Variants in MAGI2 observed in about 807,000 individuals in gnomAD.
MAGI2 encodes membrane associated guanylate kinase, WW and PDZ domain containing 2.
Under a neutral mutation model 133.3 loss-of-function variants are expected in MAGI2, and 35 were observed. The observed-to-expected ratio is 0.26, with a 90% CI of 0.20 to 0.35. The LOEUF (loss-of-function observed/expected upper bound fraction) is 0.35. Among genes scored for constraint, MAGI2 ranks in the 10% least tolerant of loss-of-function variants. The pLI, the probability that MAGI2 is intolerant of heterozygous loss-of-function variation, is 1.00. For missense variants in MAGI2, 1,636 were observed against 1,863.4 expected (o/e 0.88, Z 2.25); for synonymous variants, 729 against 710.6 (o/e 1.03, Z -0.41).
At chr7:78,959,933 T>C (rs1802706001) in intron 2 of MAGI2, among the ~76,000 whole-genome samples, 2 of 152,174 alleles carry the variant, frequency 1.3e-5, no homozygotes, top group South Asian at 4.1e-4. Flanking sequence ...TTAATTATTA[T>C]AACCCAGTAT....
At chr7:78,174,807 G>C (rs1365688925) in intron 14 of MAGI2, among the ~76,000 whole-genome samples, 1 of 152,160 alleles carries the variant, frequency 6.6e-6, no homozygotes, top group East Asian at 1.9e-4. Context: ...TGGCCTCTGA[G>C]GAAGAAAGGG....
At chr7:78,609,012 G>A (rs1039808741) in intron 3 of MAGI2, among the ~76,000 whole-genome samples, 2 of 152,184 alleles carry the variant, frequency 1.3e-5, no homozygotes, top group African/African-American at 4.8e-5. Flanking sequence ...AGAACTTGGA[G>A]TCCAATGTTT....
At chr7:79,439,881 T>G (rs1220047199) in intron 1 of MAGI2, among the ~76,000 whole-genome samples, 1 of 152,138 alleles carries the variant, frequency 6.6e-6, no homozygotes, top group African/African-American at 2.4e-5. Flanking sequence ...CTAAGCAAGT[T>G]TCTTGAGGAG....
At position 79,402,148 on chromosome 7, in the gene MAGI2, G is replaced by C. The variant is rs563248478; in HGVS notation, c.301+50872C>G. ...TATCCTTTTTAGTTCTTTTTTTAAG[G>C]CTCTATAGTTCTAGGAAAATAGCTA... is the stretch of plus-strand genomic sequence containing the variant. On this transcript the variant is annotated intron_variant, in intron 1 of 21. Coordinates refer to ENST00000354212, the MANE Select transcript of MAGI2 (RefSeq NM_012301.4). Among the ~76,000 whole-genome samples the C allele has an allele frequency of 1.2e-3, 180 of 151,792 alleles. 3 individuals carry two copies. The highest frequency in any genetic ancestry group is 4.3e-3 in the African/African-American group (177 of 41,434).
intron 1 of MAGI2, among the ~76,000 whole-genome samples, chr7:79,333,605 A>G (rs1325715188): frequency 6.6e-6 from 1 of 152,222 alleles, no homozygotes; most frequent in Non-Finnish European, 1.5e-5. Flanking sequence ...TGGGTATTCA[A>G]TTCAAGCTCT....
At chr7:78,407,594 C>G (rs1797499722) in intron 6 of MAGI2, among the ~76,000 whole-genome samples, 1 of 151,146 alleles carries the variant, frequency 6.6e-6, no homozygotes, top group East Asian at 1.9e-4. Context: ...GTCAAGTTAC[C>G]AACAAATGGG....
At chr7:78,219,057 C>T (rs1392776236) in intron 10 of MAGI2, among the ~76,000 whole-genome samples, 1 of 152,160 alleles carries the variant, frequency 6.6e-6, no homozygotes, top group Non-Finnish European at 1.5e-5. Context: ...GCTGACTGGG[C>T]TGCTCTGATT....
intron 15 of MAGI2, among the ~76,000 whole-genome samples, chr7:78,161,661 G>A (rs56166228): frequency 0.21 from 16,539 of 77,908 alleles, 1,358 homozygotes; most frequent in Middle Eastern, 0.4. Flanking sequence ...TTGTTACATC[G>A]ATACCTAAAA....
Position 78,339,703 on chromosome 7 carries a change from T to A in MAGI2, c.1408+4075A>T, listed in dbSNP as rs1260260016. On this transcript the variant is annotated intron_variant, in intron 9 of 21. Coordinates refer to ENST00000354212, the MANE Select transcript of MAGI2 (RefSeq NM_012301.4). ...ATTGAAACATTTGATGTTTGTGAGG[T>A]TTTGGCAACATGAAGATGTGGATGC... Among the ~76,000 whole-genome samples, 3 of 152,266 alleles carry A rather than the reference T, an allele frequency of 2.0e-5. No individual in the cohort carries two copies. The East Asian group carries it at 5.8e-4, about 29-fold the overall frequency.
intron 7 of MAGI2, chr7:78,358,768 C>T (rs558959412): frequency 1.7e-4 from 33 of 195,566 alleles, no homozygotes; most frequent in African/African-American, 6.9e-4. Context: ...AGATGCACTA[C>T]AGGAAGAAAA....
At chr7:78,815,363 A>G (rs1415280779) in intron 2 of MAGI2, among the ~76,000 whole-genome samples, 1 of 152,208 alleles carries the variant, frequency 6.6e-6, no homozygotes, top group Non-Finnish European at 1.5e-5. Context: ...AGCTGGATTT[A>G]AAGAGTAACT....
At chr7:78,315,650 T>C (rs1489595247) in intron 9 of MAGI2, among the ~76,000 whole-genome samples, 1 of 152,208 alleles carries the variant, frequency 6.6e-6, no homozygotes, top group Non-Finnish European at 1.5e-5. Flanking sequence ...TAGATCAGAA[T>C]CTATTATATT....
chr7:78,889,247 G>A (rs544132119), intron 2 of MAGI2, among the ~76,000 whole-genome samples: 30 of 152,156 alleles, frequency 2.0e-4, no homozygotes, highest in Non-Finnish European at 2.9e-4. Context: ...CCAAATCTAC[G>A]TCTGATTGGT....
chr7:78,688,841 GAA>G (rs1393768301), intron 2 of MAGI2, among the ~76,000 whole-genome samples: 2 of 152,136 alleles, frequency 1.3e-5, no homozygotes, highest in African/African-American at 4.8e-5. Flanking sequence ...GTGTCTCAGA[GAA>G]AGATAAAATA....
intron 1 of MAGI2, among the ~76,000 whole-genome samples, chr7:79,336,919 C>T (rs1473576257): frequency 6.6e-6 from 1 of 151,388 alleles, no homozygotes; most frequent in Admixed American, 6.6e-5. Context: ...AGATCTAACA[C>T]ACAACATGAG....
chr7:78,133,093 C>G, intron 17 of MAGI2, 33 bp from the exon 18 acceptor site: 1 of 1,507,972 alleles, frequency 6.6e-7, no homozygotes. Context: ...CAGATGCAGT[C>G]AGGTTAGTGT....
At chr7:79,249,425 A>C (rs974900364) in intron 1 of MAGI2, among the ~76,000 whole-genome samples, 4 of 152,090 alleles carry the variant, frequency 2.6e-5, no homozygotes, top group African/African-American at 9.6e-5. Context: ...AAAAAGATTT[A>C]AATAATAAAA....
At chr7:79,324,603 TATAAAAA>T (rs1839483382) in intron 1 of MAGI2, among the ~76,000 whole-genome samples, 1 of 42,718 alleles carries the variant, frequency 2.3e-5, no homozygotes, top group African/African-American at 7.7e-5. Flanking sequence ...ACAATATATA[TATAAAAA>T]ATATATATAA....
At chr7:79,270,363 G>A (rs1236772564) in intron 1 of MAGI2, among the ~76,000 whole-genome samples, 1 of 136,246 alleles carries the variant, frequency 7.3e-6, no homozygotes, top group Non-Finnish European at 1.6e-5. Flanking sequence ...TGGGCGGGAC[G>A]AAACTGTTGG....
Sources: allele counts gnomAD v4.1 joint callset (sites outside exome capture counted in the v4.1 genomes callset), GRCh38; gene constraint gnomAD v4.1.1; transcripts MANE v1.5; gene names NCBI Gene and HGNC (gene_info 2026-07-23, HGNC 2026-07-21).